Variants in BACE2 observed in about 807,000 individuals in gnomAD.
BACE2 encodes 56 kDa aspartic-like protease.
BACE2 carries 17 observed loss-of-function variants against 46.2 expected under a neutral mutation model. The observed-to-expected ratio is 0.37, with a 90% CI of 0.25 to 0.55. The LOEUF (loss-of-function observed/expected upper bound fraction) is 0.55, where lower values mean the gene tolerates loss of function less well. Among genes scored for constraint, BACE2 ranks in the 20% least tolerant of loss-of-function variants. BACE2 has a pLI of 0.82. For synonymous variants in BACE2, 277 were observed against 295.9 expected (o/e 0.94, Z 0.66); for missense variants, 595 against 698.1 (o/e 0.85, Z 1.66).
intron 8 of BACE2, among the ~76,000 whole-genome samples, chr21:41,270,077 C>T (rs975720738): frequency 2.0e-5 from 3 of 152,188 alleles, no homozygotes; most frequent in African/African-American, 7.2e-5. Flanking sequence ...TTGCATTTCC[C>T]TAATGACTAA....
chr21:41,181,818 G>A (rs1376612934), intron 1 of BACE2: 1 of 167,060 alleles, frequency 6.0e-6, no homozygotes, highest in Non-Finnish European at 1.5e-5. Flanking sequence ...TAGGTCGGAA[G>A]ATGAAACTGT....
chr21:41,179,468 G>A (rs753034883), intron 1 of BACE2: 2 of 1,332,856 alleles, frequency 1.5e-6, no homozygotes, highest in Non-Finnish European at 9.9e-7. Context: ...TGTCCAGGGT[G>A]CAGAGTGAGG....
intron 2 of BACE2, chr21:41,229,988 G>A (rs1472064529): frequency 6.6e-6 from 1 of 152,208 alleles, no homozygotes; most frequent in Non-Finnish European, 1.5e-5. Flanking sequence ...ACCAGTGTCT[G>A]GGGAAAGCCC....
At chr21:41,218,832 A>G (rs1215136435) in intron 1 of BACE2, among the ~76,000 whole-genome samples, 1 of 151,782 alleles carries the variant, frequency 6.6e-6, no homozygotes, top group Non-Finnish European at 1.5e-5. Flanking sequence ...ATCACTCCCT[A>G]TCCTGGAGCA....
chr21:41,236,095 G>A (rs989142401), intron 2 of BACE2, among the ~76,000 whole-genome samples: 2 of 152,206 alleles, frequency 1.3e-5, no homozygotes, highest in Non-Finnish European at 2.9e-5. Context: ...TATTTTCTTA[G>A]GAGGAGCATG....
chr21:41,185,549 A>G (rs1256309352), intron 1 of BACE2, among the ~76,000 whole-genome samples: 2 of 152,254 alleles, frequency 1.3e-5, no homozygotes, highest in African/African-American at 4.8e-5. Flanking sequence ...GCAATTGGCT[A>G]TTAGGAAAAT....
At position 41,243,502 on chromosome 21, in the gene BACE2, T is replaced by G; in HGVS notation, c.874T>G (p.Cys292Gly). Residue 292 changes from cysteine (C) to glycine (G), a missense_variant, in exon 5 of 9, where the codon TGC becomes GGC. By Grantham distance (159) the Cys-to-Gly change is radical. Coordinates refer to ENST00000330333, the MANE Select transcript of BACE2 (RefSeq NM_012105.5). ...TGGAGGCCAAAGCCTTAATCTGGAC[T>G]GCAGAGAGGTATTTATGCTATGGTC... The part of the protein sequence containing the change: ...EIGGQSLNLD[C>G]REYNADKAIV... The G allele has an allele frequency of 6.2e-7, 1 of 1,609,674 alleles. No individual in the cohort carries two copies. Among genetic ancestry groups the G allele is most frequent in the African/African-American group, 1.3e-5 (1 of 74,900 alleles).
intron 1 of BACE2, among the ~76,000 whole-genome samples, chr21:41,168,794 T>A (rs1464063243): frequency 6.6e-6 from 1 of 151,706 alleles, no homozygotes; most frequent in Non-Finnish European, 1.5e-5. Flanking sequence ...CACTGAGGGG[T>A]GTGCGCGAGT....
intron 4 of BACE2, among the ~76,000 whole-genome samples, chr21:41,242,788 T>C (rs897936644): frequency 3.3e-5 from 5 of 152,220 alleles, no homozygotes; most frequent in African/African-American, 1.2e-4. Context: ...AAGCTAAACT[T>C]GTATGTACTT....
chr21:41,268,059 A>T (rs1476811756), intron 8 of BACE2, among the ~76,000 whole-genome samples: 1 of 152,238 alleles, frequency 6.6e-6, no homozygotes, highest in African/African-American at 2.4e-5. Context: ...AACTCGAGAC[A>T]TTGATGAAAG....
At chr21:41,248,128 C>T (rs896299898) in intron 6 of BACE2, among the ~76,000 whole-genome samples, 4 of 152,162 alleles carry the variant, frequency 2.6e-5, no homozygotes, top group Non-Finnish European at 4.4e-5. Flanking sequence ...GCAGAGGCAC[C>T]GAGACCTGGG....
chr21:41,236,535 C>T (rs1987124404), intron 2 of BACE2: 1 of 152,250 alleles, frequency 6.6e-6, no homozygotes, highest in African/African-American at 2.4e-5. Flanking sequence ...TCGGTCATGT[C>T]ACAGTGATTC....
chr21:41,219,364 A>G (rs2123561177), intron 1 of BACE2, among the ~76,000 whole-genome samples: 1 of 152,366 alleles, frequency 6.6e-6, no homozygotes, highest in Non-Finnish European at 1.5e-5. Context: ...TGAAAAGAAT[A>G]AAAGAAGAAA....
intron 2 of BACE2, among the ~76,000 whole-genome samples, chr21:41,229,808 A>T (rs530533366): frequency 6.6e-6 from 1 of 152,330 alleles, no homozygotes; most frequent in African/African-American, 2.4e-5. Flanking sequence ...TCTCTAGTCC[A>T]TATGCATTTG....
intron 1 of BACE2, among the ~76,000 whole-genome samples, chr21:41,169,340 G>A (rs985286750): frequency 3.3e-5 from 5 of 151,238 alleles, no homozygotes; most frequent in African/African-American, 1.2e-4. Flanking sequence ...GTGGTATCCC[G>A]ATTACAACAC....
intron 8 of BACE2, among the ~76,000 whole-genome samples, chr21:41,268,200 C>CTTCAT (rs2088398762): frequency 6.6e-6 from 1 of 152,126 alleles, no homozygotes; most frequent in South Asian, 2.1e-4. Flanking sequence ...CTGTTATTAC[C>CTTCAT]TTCATTTTAT....
intron 1 of BACE2, among the ~76,000 whole-genome samples, chr21:41,220,538 A>G (rs1042503348): frequency 3.3e-5 from 5 of 152,206 alleles, no homozygotes; most frequent in Non-Finnish European, 7.3e-5. Context: ...GTTGTATGCC[A>G]GGAAATGGGG....
chr21:41,257,560 G>A (rs187390208), intron 8 of BACE2, among the ~76,000 whole-genome samples: 1 of 152,314 alleles, frequency 6.6e-6, no homozygotes, highest in East Asian at 1.9e-4. Flanking sequence ...CTTACTGAGT[G>A]TGAGTCCTGA....
chr21:41,273,203 C>T (rs75984104), intron 8 of BACE2, among the ~76,000 whole-genome samples: 9 of 152,124 alleles, frequency 5.9e-5, no homozygotes, highest in South Asian at 2.1e-4. Flanking sequence ...AGGACCAGGG[C>T]GAAATCAAAA....
Sources: gnomAD v4.1 joint callset for allele counts (sites outside exome capture counted in the v4.1 genomes callset) on GRCh38, gnomAD v4.1.1 for gene constraint, MANE v1.5 for transcripts, NCBI Gene and HGNC (gene_info 2026-07-23, HGNC 2026-07-21) for gene names.